The following HOMER2 variants were observed in gnomAD, a reference collection of about 807,000 sequenced individuals.
HOMER2 encodes the protein homer scaffold protein 2.
Under a neutral mutation model 47.0 loss-of-function variants are expected in HOMER2, and 27 were observed. That is an observed-to-expected ratio of 0.57 (90% CI 0.42 to 0.79). The LOEUF (loss-of-function observed/expected upper bound fraction) is 0.79, where lower values mean the gene tolerates loss of function less well. HOMER2 is among the 30% of genes least tolerant of loss of function. HOMER2 has a pLI of 0.00. For missense variants in HOMER2, 443 were observed against 435.0 expected, an observed-to-expected ratio of 1.02 and a Z score of -0.16; for synonymous variants, 161 against 163.8, an observed-to-expected ratio of 0.98 and a Z score of 0.13.
intron 1 of HOMER2, among the ~76,000 whole-genome samples, chr15:82,964,326 C>T (rs1183038574): frequency 6.6e-6 from 1 of 152,206 alleles, no homozygotes; most frequent in Non-Finnish European, 1.5e-5. Context: ...CCTAAAACTC[C>T]TCCAGATCAG....
intron 1 of HOMER2, among the ~76,000 whole-genome samples, chr15:82,934,661 C>T (rs1427828847): frequency 2.0e-5 from 3 of 152,192 alleles, no homozygotes; most frequent in African/African-American, 4.8e-5. Context: ...GGATCCTGCC[C>T]CCCTGCCTGG....
intron 1 of HOMER2, among the ~76,000 whole-genome samples, chr15:82,900,315 A>G (rs2053073179): frequency 6.6e-6 from 1 of 152,178 alleles, no homozygotes; most frequent in Non-Finnish European, 1.5e-5. Flanking sequence ...ACCCAAATAA[A>G]TAAATACAGT....
chr15:82,963,412 T>C (rs4842843), intron 1 of HOMER2, among the ~76,000 whole-genome samples: 108,772 of 151,988 alleles, frequency 0.72, 40,334 homozygotes, highest in African/African-American at 0.91. Context: ...TGAAATGACA[T>C]GGACCCTTGT....
At chr15:82,839,794 A>T (rs1340647617) in exon 2 of HOMER2, 2 of 152,226 alleles carry the variant, frequency 1.3e-5, no homozygotes, top group African/African-American at 4.8e-5. Flanking sequence ...GTAAGGTCAA[A>T]TGAATACATC....
chr15:82,850,009 G>A, intron 8 of HOMER2, 106 bp from the exon 9 acceptor site: 4 of 1,185,584 alleles, frequency 3.4e-6, no homozygotes, highest in Middle Eastern at 2.1e-4. Flanking sequence ...CTGAGGGCCT[G>A]GGCCAGGGCT....
intron 1 of HOMER2, among the ~76,000 whole-genome samples, chr15:82,935,828 C>T (rs2054129146): frequency 6.6e-6 from 1 of 152,192 alleles, no homozygotes; most frequent in Admixed American, 6.5e-5. Context: ...CAGCCAGCAA[C>T]CACTTTGACC....
chr15:82,862,437 C>A (rs2051825847), intron 4 of HOMER2, among the ~76,000 whole-genome samples: 1 of 152,132 alleles, frequency 6.6e-6, no homozygotes, highest in Admixed American at 6.5e-5. Context: ...ACAGCAAGAC[C>A]CCGTCTCAAA....
At chr15:82,924,621 A>G (rs2053813625) in intron 1 of HOMER2, among the ~76,000 whole-genome samples, 1 of 152,172 alleles carries the variant, frequency 6.6e-6, no homozygotes, top group Non-Finnish European at 1.5e-5. Context: ...TTCCATGGTC[A>G]TACGGCAATG....
At chr15:82,954,460 G>A (rs1004998727), upstream of HOMER2, among the ~76,000 whole-genome samples, 1 of 134,426 alleles carries the variant, frequency 7.4e-6, no homozygotes, top group Non-Finnish European at 1.6e-5. Context: ...ACCACGCCCA[G>A]TTTTTTTTTT....
At chr15:82,954,540 C>T (rs1205888623), upstream of HOMER2, among the ~76,000 whole-genome samples, 2 of 151,466 alleles carry the variant, frequency 1.3e-5, no homozygotes, top group Non-Finnish European at 2.9e-5. Flanking sequence ...CCACCCGCCT[C>T]GGCCTCCCAA....
intron 1 of HOMER2, among the ~76,000 whole-genome samples, chr15:82,979,528 T>C (rs1567081368): frequency 1.3e-5 from 2 of 152,180 alleles, no homozygotes; most frequent in Non-Finnish European, 1.5e-5. Context: ...CAAGGCTAGA[T>C]ACAGGGACTG....
At chr15:82,853,980 G>A (rs1161772663) in intron 6 of HOMER2, among the ~76,000 whole-genome samples, 1 of 152,118 alleles carries the variant, frequency 6.6e-6, no homozygotes, top group Non-Finnish European at 1.5e-5. Context: ...CTACCCTCTG[G>A]GTCCCCTTCC....
chr15:82,925,476 G>C (rs989551738), intron 1 of HOMER2, among the ~76,000 whole-genome samples: 1 of 152,294 alleles, frequency 6.6e-6, no homozygotes, highest in Non-Finnish European at 1.5e-5. Flanking sequence ...GTTTCAGAGG[G>C]TGGCATGCAT....
At chr15:82,983,471 C>G (rs2030465605) in intron 1 of HOMER2, among the ~76,000 whole-genome samples, 1 of 152,186 alleles carries the variant, frequency 6.6e-6, no homozygotes, top group Non-Finnish European at 1.5e-5. Context: ...TCAAATTTTA[C>G]AAATGTATTT....
intron 3 of HOMER2, among the ~76,000 whole-genome samples, chr15:82,870,725 T>TA (rs1412621175): frequency 1.3e-5 from 2 of 152,224 alleles, no homozygotes; most frequent in Non-Finnish European, 2.9e-5. Flanking sequence ...ACAATGTTCT[T>TA]ACGATACTGA....
At chr15:82,869,007 A>T (rs562148211) in intron 3 of HOMER2, among the ~76,000 whole-genome samples, 12 of 152,142 alleles carry the variant, frequency 7.9e-5, no homozygotes, top group African/African-American at 2.9e-4. Flanking sequence ...CTTTTTTTGG[A>T]AATGTTTGAA....
rs2051515616 is a variant in HOMER2, at chr15:82,854,790, C to T, written c.505G>A (p.Val169Met). 7 of 1,608,900 alleles carry T rather than the reference C, an allele frequency of 4.4e-6. No individual in the cohort carries two copies. Among genetic ancestry groups the T allele is most frequent in the African/African-American group, 2.7e-5 (2 of 74,920 alleles). ...KIALTQSAAN[V>M]KKWEIELQTL... The stretch of plus-strand genomic sequence containing the variant: ...TGCAGCTCGATCTCCCACTTCTTCA[C>T]GTTGGCTGCGCTGCAGGACAGGGAC... The change falls in exon 6 of 9, where the codon GTG becomes ATG. Residue 169 changes from valine (V) to methionine (M), a missense_variant. Transcript: ENST00000450735.
At chr15:82,952,230 G>C (rs576356356) in intron 1 of HOMER2, among the ~76,000 whole-genome samples, 1 of 152,248 alleles carries the variant, frequency 6.6e-6, no homozygotes, top group African/African-American at 2.4e-5. Flanking sequence ...CGGAATGGCC[G>C]AGGCAGGAGG....
chr15:82,922,794 T>A (rs1473169826), intron 1 of HOMER2, among the ~76,000 whole-genome samples: 1 of 152,130 alleles, frequency 6.6e-6, no homozygotes, highest in African/African-American at 2.4e-5. Context: ...CCTAACTTTG[T>A]CATCTCCTCC....
Sources: gnomAD v4.1 joint callset for allele counts (sites outside exome capture counted in the v4.1 genomes callset) on GRCh38, gnomAD v4.1.1 for gene constraint, MANE v1.5 for transcripts, NCBI Gene and HGNC (gene_info 2026-07-23, HGNC 2026-07-21) for gene names.